Variants in AOAH observed in about 807,000 individuals in gnomAD.
AOAH encodes the protein acyloxyacyl hydrolase (neutrophil).
AOAH carries 64 observed loss-of-function variants against 92.2 expected under a neutral mutation model. The ratio of observed to expected loss-of-function variants is 0.69; its 90% confidence interval spans 0.57 to 0.86. AOAH has a LOEUF of 0.86. Among genes scored for constraint, AOAH ranks in the 40% least tolerant of loss-of-function variants. The probability of loss-of-function intolerance (pLI) is 0.00; values close to 1 mark genes in which losing one functional copy is unlikely to be tolerated. For synonymous variants in AOAH, 263 were observed against 254.5 expected (o/e 1.03, Z -0.32); for missense variants, 656 against 694.6 (o/e 0.94, Z 0.62).
Position 36,724,165 on chromosome 7 carries a change from C to G in AOAH, c.-17G>C. On this transcript the variant is annotated 5_prime_UTR_variant, in exon 1 of 21. Coordinates refer to ENST00000617537, the MANE Select transcript of AOAH (RefSeq NM_001637.4). Reference sequence around the variant, plus strand: ...GGACTGCATCTCCGAGCTATGCACCCCAAGTGATCACCCGGCTTTGGAAGC... The same window carrying G: ...GGACTGCATCTCCGAGCTATGCACCGCAAGTGATCACCCGGCTTTGGAAGC... 6.2e-7 allele frequency: 1 copy of G among 1,611,472 alleles called. No individual in the cohort carries two copies. The highest frequency in any genetic ancestry group is 8.5e-7 in the Non-Finnish European group (1 of 1,178,430).
At chr7:36,543,925 T>C (rs1025402938) in intron 15 of AOAH, among the ~76,000 whole-genome samples, 19 of 138,406 alleles carry the variant, frequency 1.4e-4, no homozygotes. Context: ...TTCTTTTCTT[T>C]TTCTTTTTTC....
intron 2 of AOAH, among the ~76,000 whole-genome samples, chr7:36,678,216 C>G (rs1796381047): frequency 1.3e-5 from 2 of 152,180 alleles, no homozygotes; most frequent in South Asian, 2.1e-4. Flanking sequence ...TCACAGTATA[C>G]TCAGAGACCT....
chr7:36,651,216 T>C (rs1794557050), intron 4 of AOAH, among the ~76,000 whole-genome samples: 1 of 152,244 alleles, frequency 6.6e-6, no homozygotes, highest in Admixed American at 6.5e-5. Context: ...AGAATATCCA[T>C]TTACATTGCT....
rs778396908 is a variant in AOAH, at chr7:36,594,348, G to GAGTC, written c.925_928dup (p.Ser310Ter). The GAGTC allele has an allele frequency of 1.9e-6, 3 of 1,613,426 alleles. No homozygotes were observed. The highest frequency in any genetic ancestry group is 1.1e-5 in the South Asian group (1 of 91,080). Reference sequence around the variant, plus strand: ...GCACAAAGACACTTACCCAACAGTGGAGTCCAGAAATCCTGTAGCACCAGA... The same window carrying GAGTC: ...GCACAAAGACACTTACCCAACAGTGGAGTCAGTCCAGAAATCCTGTAGCACCAGA... On this transcript the variant is annotated stop_gained and frameshift_variant, in exon 12 of 21. Coordinates refer to ENST00000617537, the MANE Select transcript of AOAH (RefSeq NM_001637.4). LOFTEE classifies it high-confidence loss of function.
At chr7:36,632,428 TA>T (rs1793186577) in intron 5 of AOAH, among the ~76,000 whole-genome samples, 1 of 149,872 alleles carries the variant, frequency 6.7e-6, no homozygotes, top group East Asian at 2.0e-4. Flanking sequence ...CCAAGTGCTT[TA>T]AAAATAAAGA....
chr7:36,591,790 G>A (rs1288578441), intron 12 of AOAH, among the ~76,000 whole-genome samples: 2 of 152,184 alleles, frequency 1.3e-5, no homozygotes, highest in African/African-American at 4.8e-5. Context: ...TTGGGAGAAG[G>A]AGCTAAGTGT....
intron 1 of AOAH, among the ~76,000 whole-genome samples, chr7:36,694,136 TG>T (rs1188160131): frequency 6.6e-6 from 1 of 152,210 alleles, no homozygotes; most frequent in Non-Finnish European, 1.5e-5. Context: ...CTCATTTTTT[TG>T]TGGGGGGAGT....
intron 20 of AOAH, among the ~76,000 whole-genome samples, chr7:36,519,803 T>C (rs1350746923): frequency 1.3e-5 from 2 of 152,234 alleles, no homozygotes; most frequent in African/African-American, 4.8e-5. Context: ...CTTGCACAGT[T>C]GGAGGCATTT....
chr7:36,644,353 A>T (rs4433030), intron 4 of AOAH, among the ~76,000 whole-genome samples: 24,869 of 152,126 alleles, frequency 0.16, 2,244 homozygotes, highest in Middle Eastern at 0.23. Flanking sequence ...AAGTTTAAAA[A>T]AGTTTGGGAA....
intron 9 of AOAH, among the ~76,000 whole-genome samples, chr7:36,618,903 C>A (rs764109064): frequency 2.6e-5 from 4 of 152,278 alleles, no homozygotes; most frequent in Admixed American, 2.0e-4. Flanking sequence ...ACAGCTCCAA[C>A]AACAAAGAAT....
At chr7:36,630,557 G>A (rs1013334487) in intron 6 of AOAH, among the ~76,000 whole-genome samples, 1 of 152,212 alleles carries the variant, frequency 6.6e-6, no homozygotes, top group African/African-American at 2.4e-5. Context: ...AGGAGTCTAA[G>A]TGTGGGGTCT....
At chr7:36,573,251 G>T (rs1171755483) in intron 13 of AOAH, among the ~76,000 whole-genome samples, 1 of 152,194 alleles carries the variant, frequency 6.6e-6, no homozygotes, top group African/African-American at 2.4e-5. Flanking sequence ...CCTCTTCCAT[G>T]TGCTGGCTGC....
intron 4 of AOAH, among the ~76,000 whole-genome samples, chr7:36,645,227 C>T (rs1009108637): frequency 6.6e-6 from 1 of 152,144 alleles, no homozygotes; most frequent in African/African-American, 2.4e-5. Context: ...CTGGAGCCCT[C>T]ACAATGGGAG....
intron 2 of AOAH, among the ~76,000 whole-genome samples, chr7:36,686,328 G>C (rs1186553028): frequency 6.6e-6 from 1 of 152,106 alleles, no homozygotes; most frequent in African/African-American, 2.4e-5. Flanking sequence ...GTGAATGTTG[G>C]TCAAGTTAAC....
chr7:36,648,910 A>C (rs1794404991), intron 4 of AOAH, among the ~76,000 whole-genome samples: 2 of 152,114 alleles, frequency 1.3e-5, no homozygotes, highest in Middle Eastern at 3.4e-3. Flanking sequence ...TCAGATGTTT[A>C]AAGGGGAACT....
chr7:36,622,531 T>C (rs1792355480), intron 7 of AOAH, among the ~76,000 whole-genome samples: 1 of 152,188 alleles, frequency 6.6e-6, no homozygotes, highest in Admixed American at 6.5e-5. Flanking sequence ...TCACAGGGAA[T>C]ACCCTGACAT....
At chr7:36,637,970 T>C in intron 4 of AOAH, 60 bp from the exon 5 acceptor site, 1 of 1,369,496 alleles carries the variant, frequency 7.3e-7, no homozygotes, top group Non-Finnish European at 1.0e-6. Flanking sequence ...TCCTACATCT[T>C]TTCTAAAATT....
intron 5 of AOAH, among the ~76,000 whole-genome samples, chr7:36,636,350 G>GTGAC (rs552826296): frequency 6.6e-5 from 10 of 152,010 alleles, no homozygotes; most frequent in Non-Finnish European, 1.5e-4. Flanking sequence ...TGCAATTCTG[G>GTGAC]TGACAGAAGT....
intron 12 of AOAH, among the ~76,000 whole-genome samples, chr7:36,592,577 C>A (rs929862370): frequency 6.6e-6 from 1 of 152,188 alleles, no homozygotes; most frequent in Non-Finnish European, 1.5e-5. Context: ...GTTTGAGAGG[C>A]AAGAACATAT....
Sources: allele counts gnomAD v4.1 joint callset (sites outside exome capture counted in the v4.1 genomes callset), GRCh38; gene constraint gnomAD v4.1.1; transcripts MANE v1.5; gene names NCBI Gene and HGNC (gene_info 2026-07-23, HGNC 2026-07-21).